The following CACNA1A variants were observed in gnomAD, a reference collection of about 807,000 sequenced individuals.
CACNA1A encodes calcium voltage-gated channel subunit alpha1 A.
A neutral mutation model predicts 262.4 loss-of-function variants in CACNA1A; 57 were observed. The observed-to-expected ratio is 0.22, with a 90% CI of 0.18 to 0.27. CACNA1A has a LOEUF of 0.27. Ranked by LOEUF, CACNA1A falls within the 10% of genes least tolerant of loss-of-function variation. The pLI, the probability that CACNA1A is intolerant of heterozygous loss-of-function variation, is 1.00. For missense variants in CACNA1A, 2,526 were observed against 3,562.8 expected (o/e 0.71, Z 7.41); for synonymous variants, 1,431 against 1,419.3 (o/e 1.01, Z -0.18).
intron 10 of CACNA1A, among the ~76,000 whole-genome samples, chr19:13,325,897 C>G (rs1187588135): frequency 6.6e-6 from 1 of 152,154 alleles, no homozygotes; most frequent in African/African-American, 2.4e-5. Flanking sequence ...TATCACTTTT[C>G]TCACGGTGAG....
chr19:13,376,652 T>C (rs1390613075), intron 3 of CACNA1A, among the ~76,000 whole-genome samples: 2 of 146,322 alleles, frequency 1.4e-5, no homozygotes, highest in South Asian at 2.1e-4. Context: ...TATGATACAC[T>C]ACACATAATA....
intron 43 of CACNA1A, 34 bp from the exon 44 acceptor site, chr19:13,210,686 A>G: frequency 6.4e-7 from 1 of 1,553,728 alleles, no homozygotes; most frequent in Non-Finnish European, 8.7e-7. Flanking sequence ...GCACACAGAA[A>G]AAACAGAAAG....
intron 6 of CACNA1A, among the ~76,000 whole-genome samples, chr19:13,336,639 G>GAGAGAGAGAGAGAGAA (rs2058580999): frequency 6.8e-6 from 1 of 147,052 alleles, no homozygotes; most frequent in East Asian, 2.0e-4. Context: ...GAGAGAGAGA[G>GAGAGAGAGAGAGAGAA]AAAAGAATGA....
chr19:13,368,550 A>G (rs1284129407), intron 4 of CACNA1A, among the ~76,000 whole-genome samples: 1 of 152,140 alleles, frequency 6.6e-6, no homozygotes, highest in Non-Finnish European at 1.5e-5. Flanking sequence ...CGATGACAAC[A>G]TCCTATGTTT....
intron 1 of CACNA1A, among the ~76,000 whole-genome samples, chr19:13,490,129 T>C (rs562872486): frequency 6.6e-6 from 1 of 152,314 alleles, no homozygotes; most frequent in African/African-American, 2.4e-5. Flanking sequence ...TAGAGAAAAG[T>C]AAATGACCAG....
intron 38 of CACNA1A, among the ~76,000 whole-genome samples, chr19:13,222,163 T>A (rs2055255887): frequency 6.6e-6 from 1 of 152,142 alleles, no homozygotes; most frequent in Non-Finnish European, 1.5e-5. Flanking sequence ...CGCTTCAGCC[T>A]CCCAAAGTGC....
chr19:13,325,354 T>G (rs2058342053), intron 10 of CACNA1A, among the ~76,000 whole-genome samples: 1 of 152,108 alleles, frequency 6.6e-6, no homozygotes, highest in African/African-American at 2.4e-5. Context: ...AGCTGGGCAC[T>G]GTGGCATGCG....
intron 10 of CACNA1A, among the ~76,000 whole-genome samples, chr19:13,322,202 G>GAAAAAAAAAAAAAA (rs368879293): frequency 1.1e-5 from 1 of 90,082 alleles, no homozygotes; most frequent in African/African-American, 3.8e-5. Flanking sequence ...ACTTGTCTCA[G>GAAAAAAAAAAAAAA]AAAAAAAAAA....
chr19:13,419,460 G>A (rs2060280402), intron 3 of CACNA1A, among the ~76,000 whole-genome samples: 1 of 152,092 alleles, frequency 6.6e-6, no homozygotes, highest in Non-Finnish European at 1.5e-5. Context: ...AGGCTCTTTT[G>A]AGCCCAGGAG....
Position 13,207,680 on chromosome 19 carries a change from T to C in CACNA1A, c.7154A>G (p.His2385Arg). The C allele has an allele frequency of 7.0e-7, 1 of 1,424,216 alleles. No individual in the cohort carries two copies. The highest frequency in any genetic ancestry group is 9.2e-7 in the Non-Finnish European group (1 of 1,088,386). The allele number at this position is 1,424,216 out of a possible 1,614,324, so 88.2% of individuals were successfully genotyped here. Residue 2385 changes from histidine (H) to arginine (R), a missense_variant, in exon 47 of 47, where the codon CAC becomes CGC. This residue lies in a region of CACNA1A where 929 missense variants were observed against 868.1 expected (regional missense o/e 1.07). Coordinates refer to ENST00000360228, the MANE Select transcript of CACNA1A (RefSeq NM_001127222.2). The surrounding 1 kb of genome is among the most constrained non-coding windows in gnomAD (Gnocchi z 5.7). ...AGATGCCGGCCACCGGGCCCCGCCG[T>C]GTCGACAGGCCCTGGGGGACTCGCT... ...ARSESPRACR[H>R]GGARWPASGP...
Position 13,380,741 on chromosome 19 carries a change from GTTTGTTTGTTTA to G in CACNA1A, c.540-8974_540-8963del, listed in dbSNP as rs201180198. ...GTAAAATTCATTTATTGGTTTGTTTGTTTGTTTGTTTATTTATTTATTTATTTATTTATTTAT... is the reference window on the plus strand; with the variant it reads ...GTAAAATTCATTTATTGGTTTGTTTGTTTATTTATTTATTTATTTATTTAT... On this transcript the variant is annotated intron_variant, in intron 3 of 46. Coordinates refer to ENST00000360228, the MANE Select transcript of CACNA1A (RefSeq NM_001127222.2). 9.8e-3 allele frequency among the ~76,000 whole-genome samples: 1,204 copies of G among 123,052 alleles called. 10 individuals are homozygous for G. The highest frequency in any genetic ancestry group is 0.048 in the African/African-American group (1,134 of 23,446). 80.7% of individuals were successfully genotyped at this position (123,052 alleles called of 152,430 possible).
chr19:13,344,221 C>CAAAAAAAA (rs35162704), intron 6 of CACNA1A, among the ~76,000 whole-genome samples: 20 of 121,292 alleles, frequency 1.6e-4, no homozygotes, highest in Admixed American at 3.7e-4. Context: ...CTCAAAAAAG[C>CAAAAAAAA]AAAAAAAAAA....
intron 6 of CACNA1A, among the ~76,000 whole-genome samples, chr19:13,347,609 T>A (rs901732558): frequency 6.6e-6 from 1 of 152,168 alleles, no homozygotes; most frequent in African/African-American, 2.4e-5. Context: ...GCAGATTGAG[T>A]CGTTGCGATG....
rs554641783 is a variant in CACNA1A at position 13,224,326 on chromosome 19, A to AG, written c.5731+340_5731+341insC. ...GTGACAGAGGGAAATTGTCACACCA[A>AG]AAAAAAAAAAATTAGCCGAGTATGG... On this transcript the variant is annotated intron_variant, in intron 38 of 46. Coordinates refer to ENST00000360228, the MANE Select transcript of CACNA1A (RefSeq NM_001127222.2). Among the ~76,000 whole-genome samples the AG allele has an allele frequency of 7.3e-4, 107 of 146,110 alleles. 2 individuals are homozygous for AG. The South Asian group carries it at 0.021, about 29-fold the overall frequency.
chr19:13,412,945 T>C (rs1021652050), intron 3 of CACNA1A, among the ~76,000 whole-genome samples: 3 of 152,084 alleles, frequency 2.0e-5, no homozygotes, highest in Non-Finnish European at 2.9e-5. Flanking sequence ...AATGGTGTGG[T>C]TGGAAGTTCA....
rs116165358 is a variant in CACNA1A, at chr19:13,236,234, G to A, written c.4951-504C>T. ...CAGGGCGGGGGTGGGGGTGGAGGTCGCCAGCACAGTCAGGCCTGGTGGACA... is the reference window on the plus strand; with the variant it reads ...CAGGGCGGGGGTGGGGGTGGAGGTCACCAGCACAGTCAGGCCTGGTGGACA... On this transcript the variant is annotated intron_variant, in intron 31 of 46. Transcript: ENST00000360228. This position sits in a 1 kb window ranked among gnomAD's most constrained non-coding sequence, Gnocchi z 4.6. 8.6e-4 allele frequency among the ~76,000 whole-genome samples: 130 copies of A among 152,040 alleles called. No individual in the cohort carries two copies. Among genetic ancestry groups the A allele is most frequent in the African/African-American group, 2.9e-3 (120 of 41,444 alleles).
intron 22 of CACNA1A, 90 bp downstream of exon 22, chr19:13,283,177 C>T: frequency 6.6e-7 from 1 of 1,512,250 alleles, no homozygotes; most frequent in Non-Finnish European, 9.0e-7. Context: ...CCCCAACATC[C>T]CACCCTACCT....
intron 17 of CACNA1A, among the ~76,000 whole-genome samples, chr19:13,301,120 A>AT (rs34756816): frequency 0.073 from 10,276 of 140,932 alleles, 481 homozygotes; most frequent in Non-Finnish European, 0.1. Context: ...TATACATTTA[A>AT]TTTTTTTTTT....
At chr19:13,452,849 C>T in intron 3 of CACNA1A, 27 bp downstream of exon 3, 1 of 1,600,094 alleles carries the variant, frequency 6.2e-7, no homozygotes, top group Non-Finnish European at 8.5e-7. Context: ...CTAGTTAAAT[C>T]CAAAGCGTAT....
Sources: allele counts gnomAD v4.1 joint callset (sites outside exome capture counted in the v4.1 genomes callset), GRCh38; gene constraint gnomAD v4.1.1; regional missense constraint gnomAD v4.1.1; non-coding constraint Gnocchi (gnomAD v3.1); transcripts MANE v1.5; gene names NCBI Gene and HGNC (gene_info 2026-07-23, HGNC 2026-07-21).